Variants in RHOA observed in about 807,000 individuals in gnomAD.
RHOA encodes transforming protein RhoA.
In RHOA, 3 loss-of-function variants were observed where a neutral mutation model predicts 17.5. That is an observed-to-expected ratio of 0.17 (90% CI 0.08 to 0.44). RHOA has a LOEUF of 0.44. Among genes scored for constraint, RHOA ranks in the 20% least tolerant of loss-of-function variants. RHOA has a pLI of 0.99. For synonymous variants in RHOA, 98 were observed against 88.4 expected (o/e 1.11, Z -0.61); for missense variants, 56 against 242.3 (o/e 0.23, Z 5.10).
chr3:49,363,270 A>C (rs571815128), intron 3 of RHOA, among the ~76,000 whole-genome samples: 1 of 152,192 alleles, frequency 6.6e-6, no homozygotes, highest in East Asian at 1.9e-4. Flanking sequence ...TACAAAAAAA[A>C]TTAGCCGGGT....
intron 2 of RHOA, among the ~76,000 whole-genome samples, chr3:49,371,736 C>A (rs984352810): frequency 1.3e-5 from 2 of 152,164 alleles, no homozygotes; most frequent in Non-Finnish European, 2.9e-5. Context: ...AGAACCTCCC[C>A]CTATCTTGCG....
intron 1 of RHOA, among the ~76,000 whole-genome samples, chr3:49,378,388 AG>A (rs2048267485): frequency 6.6e-6 from 1 of 151,296 alleles, no homozygotes; most frequent in Non-Finnish European, 1.5e-5. Context: ...CTGGGACCAC[AG>A]GCATGCGCCA....
At chr3:49,386,835 G>A (rs944802484) in intron 1 of RHOA, among the ~76,000 whole-genome samples, 2 of 151,886 alleles carry the variant, frequency 1.3e-5, no homozygotes, top group Non-Finnish European at 2.9e-5. Flanking sequence ...TTACATGACC[G>A]GGCGTGGCAG....
At chr3:49,400,218 AAAAAAAAAC>A (rs1208032060) in intron 1 of RHOA, among the ~76,000 whole-genome samples, 75 of 9,982 alleles carry the variant, frequency 7.5e-3, no homozygotes, top group South Asian at 0.017. Context: ...TCTCAAAAAA[AAAAAAAAAC>A]AAAAAAAACG....
At chr3:49,386,850 C>T (rs6793308) in intron 1 of RHOA, among the ~76,000 whole-genome samples, 45,051 of 151,680 alleles carry the variant, frequency 0.3, 7,159 homozygotes, top group Middle Eastern at 0.33. Context: ...TGGCAGCTCA[C>T]GCCTGTAATC....
At chr3:49,368,326 TC>T in intron 3 of RHOA, 101 bp downstream of exon 3, 1 of 1,415,842 alleles carries the variant, frequency 7.1e-7, no homozygotes, top group South Asian at 1.2e-5. Flanking sequence ...GATGATTGCT[TC>T]TCTGAAGTTC....
intron 4 of RHOA, 152 bp from the exon 5 acceptor site, chr3:49,360,534 C>G (rs528987634): frequency 5.5e-6 from 4 of 722,756 alleles, no homozygotes; most frequent in Admixed American, 3.2e-5. Context: ...ATGGCATGAT[C>G]TCAGCTGACT....
chr3:49,397,824 G>T (rs72934233), intron 1 of RHOA, among the ~76,000 whole-genome samples: 5,703 of 152,170 alleles, frequency 0.037, 360 homozygotes, highest in African/African-American at 0.13. Context: ...AGAAAAATAA[G>T]TAAGAAGCAA....
In RHOA at chr3:49,375,586, C is replaced by T. The variant is rs2107850294; in HGVS notation, c.4G>A (p.Ala2Thr). ...ATCACCAGTTTCTTCCGGATGGCAG[C>T]CATTGCTGAAACACAAAACACAGAT... M[A>T]AIRKKLVIVG... is the part of the protein sequence containing the mutation. Residue 2 changes from alanine (A) to threonine (T), a missense_variant, in exon 2 of 5, where the codon GCT becomes ACT. This residue lies in a region of RHOA where 17 missense variants were observed against 156.3 expected (regional missense o/e 0.11). Coordinates refer to ENST00000418115, the MANE Select transcript of RHOA (RefSeq NM_001664.4). The T allele has an allele frequency of 6.2e-7, 1 of 1,612,856 alleles. No homozygotes were observed. The highest frequency in any genetic ancestry group is 8.5e-7 in the Non-Finnish European group (1 of 1,179,458).
intron 4 of RHOA, chr3:49,360,937 G>A (rs1243556381): frequency 2.7e-6 from 1 of 372,434 alleles, no homozygotes. Flanking sequence ...CCTGGGTGTG[G>A]TAGTGGGCGC....
intron 1 of RHOA, among the ~76,000 whole-genome samples, chr3:49,381,955 G>A (rs189836109): frequency 7.9e-5 from 12 of 152,098 alleles, no homozygotes; most frequent in African/African-American, 2.2e-4. Context: ...GGAGGCTGAG[G>A]TGGGAAGACA....
chr3:49,401,512 C>T (rs781466957), intron 1 of RHOA, among the ~76,000 whole-genome samples: 3 of 146,546 alleles, frequency 2.0e-5, no homozygotes, highest in Non-Finnish European at 3.0e-5. Context: ...GAGTGGAGAT[C>T]GGGCCACTGC....
chr3:49,377,529 G>A (rs2048248320), intron 1 of RHOA, among the ~76,000 whole-genome samples: 1 of 151,832 alleles, frequency 6.6e-6, no homozygotes, highest in Non-Finnish European at 1.5e-5. Context: ...GGAGGTGGAA[G>A]CTGCAGTGAG....
intron 1 of RHOA, among the ~76,000 whole-genome samples, chr3:49,410,311 T>C (rs1274045086): frequency 6.6e-6 from 1 of 152,192 alleles, no homozygotes; most frequent in Non-Finnish European, 1.5e-5. Flanking sequence ...TTTGCTCATC[T>C]GCAAATGGGG....
chr3:49,399,354 A>T (rs1410106836), intron 1 of RHOA, among the ~76,000 whole-genome samples: 3 of 148,780 alleles, frequency 2.0e-5, no homozygotes, highest in African/African-American at 7.4e-5. Flanking sequence ...TGGGCGACAG[A>T]GCGAGACTCT....
At chr3:49,367,360 A>AAAAAAAAAAAAAAAAAC (rs2048075203) in intron 3 of RHOA, among the ~76,000 whole-genome samples, 1 of 135,592 alleles carries the variant, frequency 7.4e-6, no homozygotes, top group Non-Finnish European at 1.6e-5. Context: ...AAAAAAAAAA[A>AAAAAAAAAAAAAAAAAC]AAAAAAGAAT....
chr3:49,395,044 T>TC (rs1217947875), intron 1 of RHOA, among the ~76,000 whole-genome samples: 1 of 151,268 alleles, frequency 6.6e-6, no homozygotes, highest in Non-Finnish European at 1.5e-5. Flanking sequence ...GGTCAGGAGA[T>TC]CGAGACCATC....
At chr3:49,363,588 G>A (rs987254919) in intron 3 of RHOA, among the ~76,000 whole-genome samples, 2 of 150,020 alleles carry the variant, frequency 1.3e-5, no homozygotes, top group East Asian at 2.0e-4. Flanking sequence ...GTGGTGGCTC[G>A]TGCCTGTAAT....
At chr3:49,363,015 A>C (rs2047995297) in intron 3 of RHOA, among the ~76,000 whole-genome samples, 1 of 152,228 alleles carries the variant, frequency 6.6e-6, no homozygotes, top group African/African-American at 2.4e-5. Context: ...AGGGGTCCCC[A>C]TTCTAGGGCA....
Sources: allele counts gnomAD v4.1 joint callset (sites outside exome capture counted in the v4.1 genomes callset), GRCh38; gene constraint gnomAD v4.1.1; regional missense constraint gnomAD v4.1.1; transcripts MANE v1.5; gene names NCBI Gene and HGNC (gene_info 2026-07-23, HGNC 2026-07-21).